Variants in KANK1 observed in about 807,000 individuals in gnomAD.
The protein encoded by KANK1 is KN motif and ankyrin repeat domains 1, also known as KN motif and ankyrin repeat domain-containing protein 1.
In KANK1, 109 loss-of-function variants were observed where a neutral mutation model predicts 106.2. The ratio of observed to expected loss-of-function variants is 1.03; its 90% confidence interval spans 0.88 to 1.20. The LOEUF is 1.20. KANK1 is among the 50% of genes most tolerant of loss of function. KANK1 has a pLI of 0.00. For missense variants in KANK1, 2,399 were observed against 1,710.7 expected (o/e 1.40, Z -7.10); for synonymous variants, 873 against 652.2 (o/e 1.34, Z -5.16).
chr9:691,575 G>A (rs1252937689), intron 2 of KANK1, among the ~76,000 whole-genome samples: 4 of 143,668 alleles, frequency 2.8e-5, no homozygotes, highest in African/African-American at 1.0e-4. Flanking sequence ...TTAAATCTTA[G>A]TTTGGAATAT....
upstream of KANK1, among the ~76,000 whole-genome samples, chr9:502,897 C>G (rs1372892939): frequency 6.6e-6 from 1 of 151,862 alleles, no homozygotes; most frequent in Admixed American, 6.6e-5. Flanking sequence ...TGCAGTGGCT[C>G]AATCTCTGCT....
At chr9:502,253 T>C (rs964179523), upstream of KANK1, among the ~76,000 whole-genome samples, 8 of 152,182 alleles carry the variant, frequency 5.3e-5, no homozygotes, top group Non-Finnish European at 1.5e-5. Flanking sequence ...TGTCTGGAAT[T>C]AGTGGTGATG....
upstream of KANK1, among the ~76,000 whole-genome samples, chr9:503,840 A>G (rs1304371860): frequency 1.3e-5 from 2 of 152,170 alleles, no homozygotes; most frequent in Non-Finnish European, 2.9e-5. Flanking sequence ...CAAATCGAGT[A>G]TTTGGGACTG....
At chr9:658,009 G>C (rs1050182769) in intron 1 of KANK1, among the ~76,000 whole-genome samples, 1 of 151,766 alleles carries the variant, frequency 6.6e-6, no homozygotes, top group African/African-American at 2.4e-5. Context: ...CAAGTACTGG[G>C]ACTACAGGCA....
At chr9:475,664 A>G (rs1213740384) in intron 3 of KANK1, among the ~76,000 whole-genome samples, 1 of 152,188 alleles carries the variant, frequency 6.6e-6, no homozygotes, top group Non-Finnish European at 1.5e-5. Context: ...ATAATATTAC[A>G]TGACAAAATC....
At chr9:582,810 C>A (rs956662565) in intron 1 of KANK1, among the ~76,000 whole-genome samples, 2 of 152,186 alleles carry the variant, frequency 1.3e-5, no homozygotes, top group African/African-American at 2.4e-5. Context: ...TTATACAGCA[C>A]AGTGTGCTTT....
chr9:711,331 G>A lies in KANK1; in HGVS notation c.565G>A (p.Gly189Ser), dbSNP rs200751333. 6.9e-4 allele frequency: 1,109 copies of A among 1,614,118 alleles called. 10 individuals carry two copies. The highest frequency in any genetic ancestry group is 6.0e-3 in the South Asian group (549 of 91,070). ...AAGGCCCAGGCTGGCCAGTTTTGGA[G>A]GCATGGGCACCACAAGCTCCCTCCC... The part of the protein sequence containing the change: ...FRRPRLASFG[G>S]MGTTSSLPSF... Residue 189 changes from glycine to serine, a missense_variant, in exon 3 of 12, where the codon GGC becomes AGC. By Grantham distance (56) the Gly-to-Ser change is moderately conservative. Transcript: ENST00000382297.
At chr9:732,727 C>G in intron 6 of KANK1, 110 bp downstream of exon 6, 1 of 1,236,008 alleles carries the variant, frequency 8.1e-7, no homozygotes, top group South Asian at 1.4e-5. Flanking sequence ...TTTATCTGTT[C>G]CTCAGAGGTA....
intron 1 of KANK1, among the ~76,000 whole-genome samples, chr9:591,239 C>G (rs987295397): frequency 2.0e-5 from 3 of 151,610 alleles, no homozygotes; most frequent in Admixed American, 2.0e-4. Flanking sequence ...AATTTTTATA[C>G]TGCTTTTAAA....
intron 3 of KANK1, among the ~76,000 whole-genome samples, chr9:724,459 G>A (rs1022853090): frequency 3.3e-5 from 5 of 152,106 alleles, no homozygotes; most frequent in African/African-American, 9.7e-5. Flanking sequence ...AGTCATTGTT[G>A]GTTATTGAAG....
chr9:696,192 G>C (rs1420064335), intron 2 of KANK1, among the ~76,000 whole-genome samples: 1 of 151,926 alleles, frequency 6.6e-6, no homozygotes, highest in African/African-American at 2.4e-5. Flanking sequence ...GCTGAGGCAG[G>C]AGAATGGCGT....
At chr9:559,670 C>G (rs990604849) in intron 1 of KANK1, among the ~76,000 whole-genome samples, 5 of 152,130 alleles carry the variant, frequency 3.3e-5, no homozygotes, top group African/African-American at 1.2e-4. Flanking sequence ...ACGGAAAAGA[C>G]AAACAGATAT....
chr9:639,576 C>G (rs1309844428), intron 1 of KANK1, among the ~76,000 whole-genome samples: 1 of 152,074 alleles, frequency 6.6e-6, no homozygotes, highest in African/African-American at 2.4e-5. Context: ...CTCGGCCTCC[C>G]AAAGTTCTGG....
At chr9:727,322 A>T (rs1030736201) in intron 3 of KANK1, among the ~76,000 whole-genome samples, 5 of 147,930 alleles carry the variant, frequency 3.4e-5, no homozygotes, top group African/African-American at 4.9e-5. Flanking sequence ...ATCCAAGGAA[A>T]TTTTTTTTTT....
At position 582,035 on chromosome 9, in the gene KANK1, T is replaced by G. The variant is rs575944075; in HGVS notation, c.-84+77281T>G. ...CCTCGACCCTTGTGAATGAGGAAAT[T>G]TCAGAGAGAAAAACATTGGAACTCC... On this transcript the variant is annotated intron_variant, in intron 1 of 11. Transcript: ENST00000382297. Among the ~76,000 whole-genome samples the G allele has an allele frequency of 8.5e-5, 13 of 152,230 alleles. 1 individual carries two copies. Among genetic ancestry groups the G allele is most frequent in the African/African-American group, 3.1e-4 (13 of 41,528 alleles).
At chr9:635,085 G>A (rs1312261874) in intron 1 of KANK1, among the ~76,000 whole-genome samples, 2 of 152,144 alleles carry the variant, frequency 1.3e-5, no homozygotes, top group Non-Finnish European at 2.9e-5. Context: ...CAGGTAAAGG[G>A]AATGCCGTTA....
intron 1 of KANK1, among the ~76,000 whole-genome samples, chr9:534,134 A>C (rs986550315): frequency 6.6e-5 from 10 of 152,152 alleles, no homozygotes; most frequent in Non-Finnish European, 1.5e-4. Flanking sequence ...GCCTATCTCG[A>C]TTTGCTTGGA....
upstream of KANK1, among the ~76,000 whole-genome samples, chr9:501,433 C>A (rs10815118): frequency 0.18 from 27,875 of 151,990 alleles, 5,612 homozygotes; most frequent in African/African-American, 0.51. Context: ...AATAGTGTTG[C>A]ATAGACCATT....
At chr9:501,640 A>ACACC (rs1554722137), upstream of KANK1, among the ~76,000 whole-genome samples, 126 of 150,244 alleles carry the variant, frequency 8.4e-4, no homozygotes, top group African/African-American at 1.9e-3. Context: ...ACACACACAC[A>ACACC]CCCCAATTGC....
Sources: allele counts gnomAD v4.1 joint callset (sites outside exome capture counted in the v4.1 genomes callset), GRCh38; gene constraint gnomAD v4.1.1; transcripts MANE v1.5; gene names NCBI Gene and HGNC (gene_info 2026-07-23, HGNC 2026-07-21).